Variants in DIP2C observed in about 807,000 individuals in gnomAD.
The protein encoded by DIP2C is DIP2 acetate--CoA ligase C (putative), also known as disco-interacting protein 2 homolog C.
In DIP2C, 33 loss-of-function variants were observed where a neutral mutation model predicts 192.4. The ratio of observed to expected loss-of-function variants is 0.17; its 90% CI spans 0.13 to 0.23. The LOEUF is 0.23. DIP2C is among the 10% of genes least tolerant of loss of function. The pLI, the probability that DIP2C is intolerant of heterozygous loss-of-function variation, is 1.00. For synonymous variants in DIP2C, 979 were observed against 864.1 expected, an observed-to-expected ratio of 1.13 and a Z score of -2.33; for missense variants, 1,537 against 2,110.1, an observed-to-expected ratio of 0.73 and a Z score of 5.32.
At chr10:422,507 A>C (rs1966264071) in intron 5 of DIP2C, among the ~76,000 whole-genome samples, 1 of 152,238 alleles carries the variant, frequency 6.6e-6, no homozygotes, top group African/African-American at 2.4e-5. Flanking sequence ...CAGGACGAGC[A>C]CATTTAAAAC....
intron 30 of DIP2C, among the ~76,000 whole-genome samples, chr10:327,646 CT>C (rs1957335616): frequency 6.6e-6 from 1 of 152,162 alleles, no homozygotes; most frequent in African/African-American, 2.4e-5. Context: ...ACCCTCCCAC[CT>C]TGTGGTCTCC....
At chr10:381,072 A>G (rs1962329081) in intron 17 of DIP2C, among the ~76,000 whole-genome samples, 1 of 152,214 alleles carries the variant, frequency 6.6e-6, no homozygotes, top group African/African-American at 2.4e-5. Context: ...AAGTAACTTA[A>G]ACATCAGGGT....
chr10:606,584 T>C (rs1334205768), intron 1 of DIP2C, among the ~76,000 whole-genome samples: 3 of 151,010 alleles, frequency 2.0e-5, no homozygotes, highest in South Asian at 4.3e-4. Context: ...CTCGCCCCGC[T>C]GCCGTAATTA....
intron 1 of DIP2C, among the ~76,000 whole-genome samples, chr10:675,958 A>C (rs1830860976): frequency 6.6e-6 from 1 of 152,196 alleles, no homozygotes; most frequent in South Asian, 2.1e-4. Context: ...GGACACAATA[A>C]AAAGAGAAAA....
intron 1 of DIP2C, among the ~76,000 whole-genome samples, chr10:614,697 G>A (rs1389045526): frequency 6.6e-6 from 1 of 152,286 alleles, no homozygotes; most frequent in Non-Finnish European, 1.5e-5. Context: ...CCTTTCAAGT[G>A]TGTTTAGCTG....
At chr10:545,009 C>T (rs371858061) in intron 1 of DIP2C, among the ~76,000 whole-genome samples, 1 of 152,052 alleles carries the variant, frequency 6.6e-6, no homozygotes, top group African/African-American at 2.4e-5. Context: ...TGGATTCTCC[C>T]CTAAGGGTGT....
chr10:339,607 T>A (rs929412509), intron 29 of DIP2C, among the ~76,000 whole-genome samples: 1 of 152,190 alleles, frequency 6.6e-6, no homozygotes, highest in African/African-American at 2.4e-5. Context: ...ACGGTCACCC[T>A]ACAAGGGCCG....
intron 1 of DIP2C, among the ~76,000 whole-genome samples, chr10:526,040 C>T (rs1847031365): frequency 6.6e-6 from 1 of 152,204 alleles, no homozygotes; most frequent in South Asian, 2.1e-4. Context: ...TCCTTAATTG[C>T]CGATGCTGCG....
chr10:598,544 T>C (rs1194620664), intron 1 of DIP2C, among the ~76,000 whole-genome samples: 1 of 150,032 alleles, frequency 6.7e-6, no homozygotes, highest in Non-Finnish European at 1.5e-5. Flanking sequence ...GCCTGGCTCC[T>C]CCCCCCACAG....
intron 31 of DIP2C, among the ~76,000 whole-genome samples, chr10:314,576 T>C (rs1402434374): frequency 6.6e-6 from 1 of 152,246 alleles, no homozygotes; most frequent in Non-Finnish European, 1.5e-5. Context: ...TCCCATGGTC[T>C]GTGGCCAGTG....
At chr10:599,364 C>T (rs747670282) in intron 1 of DIP2C, among the ~76,000 whole-genome samples, 14 of 152,194 alleles carry the variant, frequency 9.2e-5, no homozygotes, top group Non-Finnish European at 1.3e-4. Flanking sequence ...TATTTAGAAA[C>T]AAATCCAGCA....
At chr10:495,229 A>C (rs988174556) in intron 1 of DIP2C, among the ~76,000 whole-genome samples, 3 of 152,218 alleles carry the variant, frequency 2.0e-5, no homozygotes, top group Non-Finnish European at 4.4e-5. Flanking sequence ...GGGGAAGGGG[A>C]AACAGGGAGA....
At chr10:578,019 A>T (rs1043316802) in intron 1 of DIP2C, among the ~76,000 whole-genome samples, 3 of 152,286 alleles carry the variant, frequency 2.0e-5, no homozygotes, top group Admixed American at 1.3e-4. Context: ...CTAAGTACTA[A>T]TTTTAAAAAT....
chr10:540,749 T>A (rs1042278688), intron 1 of DIP2C, among the ~76,000 whole-genome samples: 1 of 152,242 alleles, frequency 6.6e-6, no homozygotes, highest in African/African-American at 2.4e-5. Context: ...AATCTCTAAT[T>A]ACTGTCTGCC....
At chr10:474,787 C>T (rs930574533) in intron 2 of DIP2C, among the ~76,000 whole-genome samples, 1 of 152,216 alleles carries the variant, frequency 6.6e-6, no homozygotes. Context: ...CATTGCCTTT[C>T]ATTTCCATTA....
intron 1 of DIP2C, among the ~76,000 whole-genome samples, chr10:565,043 C>G (rs1849388734): frequency 6.6e-6 from 1 of 152,128 alleles, no homozygotes; most frequent in South Asian, 2.1e-4. Context: ...AGCAATTTCC[C>G]TTCCTCTATT....
chr10:306,355 C>T (rs1426486990), intron 32 of DIP2C, among the ~76,000 whole-genome samples: 4 of 152,208 alleles, frequency 2.6e-5, no homozygotes, highest in Middle Eastern at 3.4e-3. Flanking sequence ...TACCCCTGTT[C>T]GACAACTGAC....
At position 346,766 on chromosome 10, in the gene DIP2C, A is replaced by C. The variant is rs1428859803; in HGVS notation, c.3232-1656T>G. ...ACACATCACGCATAGTTCTCCCGGA[A>C]ACGTCACACGCACCCGGACACATCG... On this transcript the variant is annotated intron_variant, in intron 26 of 36. Coordinates refer to ENST00000280886, the MANE Select transcript of DIP2C (RefSeq NM_014974.3). Among the ~76,000 whole-genome samples the C allele has an allele frequency of 3.0e-4, 36 of 120,262 alleles. 4 individuals carry two copies. The highest frequency in any genetic ancestry group is 1.3e-3 in the African/African-American group (33 of 26,144). The allele number at this position is 120,262 out of a possible 152,430, so 78.9% of individuals were successfully genotyped here. A position where few individuals can be genotyped will look rare whatever the true frequency, so the allele number is the denominator to read the frequency against.
rs10652748 is a variant in DIP2C, at chr10:524,967, CA to C, written c.86-38438del. 2.6e-3 allele frequency among the ~76,000 whole-genome samples: 286 copies of C among 111,142 alleles called. 5 individuals are homozygous for C. The highest frequency in any genetic ancestry group is 6.6e-3 in the South Asian group (25 of 3,792). 72.9% of individuals were successfully genotyped at this position (111,142 alleles called of 152,430 possible). ...ACACAGTTTAAGACAATCACAATTT[CA>C]AAAAAAAAAAAAAAAGAATCACATT... On this transcript the variant is annotated intron_variant, in intron 1 of 36. Coordinates refer to ENST00000280886, the MANE Select transcript of DIP2C (RefSeq NM_014974.3).
Sources: gnomAD v4.1 joint callset for allele counts (sites outside exome capture counted in the v4.1 genomes callset) on GRCh38, gnomAD v4.1.1 for gene constraint, MANE v1.5 for transcripts, NCBI Gene and HGNC (gene_info 2026-07-23, HGNC 2026-07-21) for gene names.